The following ADAMTS17 variants were observed in gnomAD, a reference collection of about 807,000 sequenced individuals.
ADAMTS17 encodes A disintegrin and metalloproteinase with thrombospondin motifs 17.
ADAMTS17 carries 113 observed loss-of-function variants against 141.5 expected under a neutral mutation model. The ratio of observed to expected loss-of-function variants is 0.80; its 90% CI spans 0.69 to 0.93. The LOEUF is 0.93. ADAMTS17 is among the 40% of genes least tolerant of loss of function. ADAMTS17 has a pLI of 0.00. For synonymous variants in ADAMTS17, 768 were observed against 630.6 expected (o/e 1.22, Z -3.27); for missense variants, 1,659 against 1,517.9 (o/e 1.09, Z -1.54).
chr15:100,109,232 T>C, intron 13 of ADAMTS17, 116 bp from the exon 14 acceptor site: 1 of 1,062,596 alleles, frequency 9.4e-7, no homozygotes, highest in Non-Finnish European at 1.3e-6. Flanking sequence ...CACAGGTCAG[T>C]AAAGGTGCAT....
intron 9 of ADAMTS17, among the ~76,000 whole-genome samples, chr15:100,154,220 G>A (rs2039324604): frequency 6.6e-6 from 1 of 152,104 alleles, no homozygotes; most frequent in African/African-American, 2.4e-5. Context: ...TCGTGGCCAT[G>A]ACCCTTCTGG....
At chr15:100,292,618 C>G (rs899284949) in intron 3 of ADAMTS17, among the ~76,000 whole-genome samples, 1 of 152,234 alleles carries the variant, frequency 6.6e-6, no homozygotes, top group African/African-American at 2.4e-5. Context: ...GATACTAACC[C>G]CATGTGCACA....
At chr15:100,152,808 GT>G (rs770999554) in intron 9 of ADAMTS17, 46 bp from the exon 10 acceptor site, 3 of 1,595,008 alleles carry the variant, frequency 1.9e-6, no homozygotes, top group Non-Finnish European at 2.6e-6. Context: ...TACTGCCTAG[GT>G]TTTTTTGTTT....
chr15:100,199,332 A>T lies in ADAMTS17; in HGVS notation c.1167T>A (p.His389Gln). 1 of 1,613,238 alleles carries T rather than the reference A, an allele frequency of 6.2e-7. No homozygotes were observed. Among genetic ancestry groups the T allele is most frequent in the Non-Finnish European group, 8.5e-7 (1 of 1,179,142 alleles). ...CTGATACTTACTTGTGGCCCAGCTCATGGGCGATGGTAAAGGCCAAATTGA... is the reference window on the plus strand; with the variant it reads ...CTGATACTTACTTGTGGCCCAGCTCTTGGGCGATGGTAAAGGCCAAATTGA... ...NGLNLAFTIA[H>Q]ELGHNLGMNH... The change falls in exon 8 of 22, where the codon CAT becomes CAA. Residue 389 changes from histidine (H) to glutamine (Q), a missense_variant. Physicochemically the swap from His to Gln is conservative, Grantham distance 24. Transcript: ENST00000268070.
In ADAMTS17 at chr15:100,051,687, G is replaced by A. The variant is rs1334238829; in HGVS notation, c.2340C>T (p.Tyr780=). 6 of 1,614,084 alleles carry A rather than the reference G, an allele frequency of 3.7e-6. No individual in the cohort carries two copies. Among genetic ancestry groups the A allele is most frequent in the Admixed American group, 3.3e-5 (2 of 60,010 alleles). The change falls in exon 17 of 22, where the codon TAC becomes TAT. Residue 780 remains tyrosine (Y), a synonymous_variant. Transcript: ENST00000268070. Reference sequence around the variant, plus strand: ...CCGCAGTGCGGTTTACAGGAACAGTGTATTCATAATGAATTCCATAATCTT... The same window carrying A: ...CCGCAGTGCGGTTTACAGGAACAGTATATTCATAATGAATTCCATAATCTT... ...HDQDYGIHYE[Y]TVPVNRTAEN...
intron 15 of ADAMTS17, among the ~76,000 whole-genome samples, chr15:100,089,023 A>C (rs1161426179): frequency 1.3e-5 from 2 of 151,716 alleles, no homozygotes; most frequent in Admixed American, 6.6e-5. Context: ...TCTGCACAGC[A>C]AAAGAAACTA....
At chr15:100,193,823 G>T (rs1385431071) in intron 8 of ADAMTS17, among the ~76,000 whole-genome samples, 1 of 152,220 alleles carries the variant, frequency 6.6e-6, no homozygotes, top group Non-Finnish European at 1.5e-5. Flanking sequence ...TTTGACCGAA[G>T]CAAGGGTGCA....
chr15:100,075,623 T>C (rs1281223973), intron 15 of ADAMTS17, among the ~76,000 whole-genome samples: 1 of 152,224 alleles, frequency 6.6e-6, no homozygotes. Context: ...TAATAACTAT[T>C]AGGCTATTCA....
chr15:100,152,483 T>C lies in ADAMTS17; in HGVS notation c.1473+129A>G. ...AAACGTGTGTGTGCATATACATGTA[T>C]ACCTGTGCTTGTGTGTGTATGTGCC... On this transcript the variant is annotated intron_variant, in intron 10 of 21. Transcript: ENST00000268070. 1.9e-5 allele frequency: 23 copies of C among 1,230,524 alleles called. No individual in the cohort carries two copies. The South Asian group carries it at 2.7e-4, about 14-fold the overall frequency. The allele number at this position is 1,230,524 out of a possible 1,614,324, so 76.2% of individuals were successfully genotyped here. A position where few individuals can be genotyped will look rare whatever the true frequency, so the allele number is the denominator to read the frequency against.
intron 7 of ADAMTS17, among the ~76,000 whole-genome samples, chr15:100,247,475 C>T (rs559881379): frequency 6.6e-6 from 1 of 152,300 alleles, no homozygotes; most frequent in Admixed American, 6.5e-5. Flanking sequence ...AAAACGCTGG[C>T]TCACTTGTGA....
intron 7 of ADAMTS17, among the ~76,000 whole-genome samples, chr15:100,221,839 T>C (rs1158744657): frequency 6.6e-6 from 1 of 152,224 alleles, no homozygotes; most frequent in African/African-American, 2.4e-5. Flanking sequence ...ATAAGGCTGC[T>C]TGTTGACTTC....
chr15:100,056,302 C>T (rs2032558677), intron 15 of ADAMTS17, among the ~76,000 whole-genome samples: 1 of 152,014 alleles, frequency 6.6e-6, no homozygotes, highest in African/African-American at 2.4e-5. Context: ...TTTTAGGATC[C>T]AGTGTGGGCT....
At chr15:100,083,408 G>T (rs1250608557) in intron 15 of ADAMTS17, among the ~76,000 whole-genome samples, 1 of 152,160 alleles carries the variant, frequency 6.6e-6, no homozygotes, top group Non-Finnish European at 1.5e-5. Context: ...TATTCATTCT[G>T]TTCCATCCAT....
At chr15:100,205,566 T>G (rs2041510451) in intron 7 of ADAMTS17, among the ~76,000 whole-genome samples, 1 of 152,162 alleles carries the variant, frequency 6.6e-6, no homozygotes, top group Non-Finnish European at 1.5e-5. Flanking sequence ...AGTGTGCCTC[T>G]CTTCGGAGAA....
chr15:100,313,489 T>C (rs2141869515), intron 3 of ADAMTS17, among the ~76,000 whole-genome samples: 1 of 152,288 alleles, frequency 6.6e-6, no homozygotes, highest in Admixed American at 6.5e-5. Context: ...TTTTAAAAAA[T>C]ACACCCACAC....
rs558329203 is a variant in ADAMTS17, at chr15:100,109,185, A to G, written c.1889-69T>C. On this transcript the variant is annotated intron_variant, in intron 13 of 21. Coordinates refer to ENST00000268070, the MANE Select transcript of ADAMTS17 (RefSeq NM_139057.4). ...CGTGGGCCATGCAGGGCACAGGTAC[A>G]TGTGGGCAGAGGGAAACCCTGAGGA... The G allele has an allele frequency of 1.1e-4, 171 of 1,552,578 alleles. No homozygotes were observed. The South Asian group carries it at 1.7e-3, about 15-fold the overall frequency.
At chr15:100,145,380 T>G (rs967795590) in intron 10 of ADAMTS17, among the ~76,000 whole-genome samples, 1 of 152,230 alleles carries the variant, frequency 6.6e-6, no homozygotes, top group Non-Finnish European at 1.5e-5. Context: ...ACTATGAATA[T>G]TTTTCTTTCG....
chr15:100,329,937 G>T (rs2046000391), intron 3 of ADAMTS17, among the ~76,000 whole-genome samples: 1 of 152,178 alleles, frequency 6.6e-6, no homozygotes, highest in African/African-American at 2.4e-5. Flanking sequence ...TGTTTCCAAT[G>T]TCACCAGAAT....
Position 100,132,139 on chromosome 15 carries a change from C to G in ADAMTS17, c.1589G>C (p.Gly530Ala). Reference protein sequence around the residue: ...ECGADKWCRAGECVSKTPIPE... With the variant: ...ECGADKWCRAAECVSKTPIPE... ...GATGGGCGTCTTGCTCACGCACTCC[C>G]CCGCGCGGCACCACTGAAACACAGC... Residue 530 changes from glycine to alanine, a missense_variant, in exon 12 of 22, where the codon GGG (glycine) becomes GCG (alanine). Gly to Ala is a moderately conservative substitution (Grantham distance 60). Coordinates refer to ENST00000268070, the MANE Select transcript of ADAMTS17 (RefSeq NM_139057.4). 1 of 1,613,736 alleles carries G rather than the reference C, an allele frequency of 6.2e-7. No individual in the cohort carries two copies. Among genetic ancestry groups the G allele is most frequent in the Non-Finnish European group, 8.5e-7 (1 of 1,179,942 alleles).
Sources: gnomAD v4.1 joint callset for allele counts (sites outside exome capture counted in the v4.1 genomes callset) on GRCh38, gnomAD v4.1.1 for gene constraint, MANE v1.5 for transcripts, NCBI Gene and HGNC (gene_info 2026-07-23, HGNC 2026-07-21) for gene names.